KANK1: variants seen among roughly 807,000 people sequenced by gnomAD.
KANK1 encodes the protein KN motif and ankyrin repeat domain-containing protein 1.
KANK1 carries 109 observed loss-of-function variants against 106.2 expected under a neutral mutation model. The observed-to-expected ratio is 1.03, with a 90% CI of 0.88 to 1.20. KANK1 has a LOEUF of 1.20. KANK1 is among the 50% of genes most tolerant of loss of function. The probability of loss-of-function intolerance (pLI) is 0.00; values close to 1 mark genes in which losing one functional copy is unlikely to be tolerated. For synonymous variants in KANK1, 873 were observed against 652.2 expected, an observed-to-expected ratio of 1.34 and a Z score of -5.16; for missense variants, 2,399 against 1,710.7, an observed-to-expected ratio of 1.40 and a Z score of -7.10.
intron 1 of KANK1, among the ~76,000 whole-genome samples, chr9:520,346 T>C (rs1305487264): frequency 1.3e-5 from 2 of 151,364 alleles, no homozygotes; most frequent in East Asian, 3.9e-4. Flanking sequence ...CTCAAAAAAA[T>C]AAATAAAAAT....
chr9:710,246 G>A (rs967264998), intron 2 of KANK1, among the ~76,000 whole-genome samples: 12 of 152,112 alleles, frequency 7.9e-5, no homozygotes, highest in African/African-American at 2.9e-4. Flanking sequence ...TCATTACATT[G>A]TTTTTAAGCC....
intron 1 of KANK1, among the ~76,000 whole-genome samples, chr9:673,200 CTTTTTTTTTT>C (rs542647158): frequency 2.0e-5 from 2 of 97,856 alleles, no homozygotes; most frequent in African/African-American, 3.5e-5. Flanking sequence ...ACAGTGTCTT[CTTTTTTTTTT>C]TTTTTTTTTT....
chr9:572,418 A>G (rs112972543), intron 1 of KANK1, among the ~76,000 whole-genome samples: 8,843 of 151,990 alleles, frequency 0.058, 843 homozygotes, highest in African/African-American at 0.2. Flanking sequence ...TGGGCGTGGT[A>G]GTGGGTTCCT....
At chr9:628,803 G>T (rs146314943) in intron 1 of KANK1, among the ~76,000 whole-genome samples, 1 of 152,190 alleles carries the variant, frequency 6.6e-6, no homozygotes, top group African/African-American at 2.4e-5. Flanking sequence ...CTTGGGCCGG[G>T]CATGGTGGCT....
intron 10 of KANK1, among the ~76,000 whole-genome samples, chr9:742,967 G>C (rs553735883): frequency 2.0e-5 from 3 of 152,282 alleles, no homozygotes; most frequent in East Asian, 1.9e-4. Flanking sequence ...ACACCACTCT[G>C]CTCTCTTCTC....
At chr9:745,118 C>CATCT (rs1836847697) in intron 11 of KANK1, 55 bp from the exon 12 acceptor site, 1 of 1,602,048 alleles carries the variant, frequency 6.2e-7, no homozygotes, top group Non-Finnish European at 8.5e-7. Flanking sequence ...ACAGGGTACA[C>CATCT]ATCTGCCTGA....
At chr9:590,201 A>G (rs895896207) in intron 1 of KANK1, among the ~76,000 whole-genome samples, 4 of 152,138 alleles carry the variant, frequency 2.6e-5, no homozygotes, top group African/African-American at 7.2e-5. Context: ...TTTAGGGGGT[A>G]CATGGTTTTT....
At chr9:675,969 A>T (rs961160077) in intron 1 of KANK1, among the ~76,000 whole-genome samples, 1 of 152,188 alleles carries the variant, frequency 6.6e-6, no homozygotes, top group Non-Finnish European at 1.5e-5. Context: ...TGACATTGCC[A>T]TGGCATTTGT....
intron 1 of KANK1, among the ~76,000 whole-genome samples, chr9:627,165 C>T (rs1313599991): frequency 7.2e-5 from 11 of 152,126 alleles, no homozygotes; most frequent in Admixed American, 7.2e-4. Context: ...ACAGATTGTG[C>T]CCTAGATCCT....
At chr9:713,850 A>G (rs1425650379) in intron 3 of KANK1, among the ~76,000 whole-genome samples, 1 of 152,246 alleles carries the variant, frequency 6.6e-6, no homozygotes, top group African/African-American at 2.4e-5. Flanking sequence ...TATTACCAGT[A>G]TATTAGCAAT....
intron 3 of KANK1, among the ~76,000 whole-genome samples, chr9:474,395 T>C (rs1453761647): frequency 6.6e-6 from 1 of 152,230 alleles, no homozygotes; most frequent in Admixed American, 6.5e-5. Flanking sequence ...GACATATTGA[T>C]TAATTGCATA....
chr9:600,390 A>G (rs1444706242), intron 1 of KANK1, among the ~76,000 whole-genome samples: 1 of 151,876 alleles, frequency 6.6e-6, no homozygotes, highest in Non-Finnish European at 1.5e-5. Context: ...AGGCTGAATA[A>G]TATTCCATTG....
intron 1 of KANK1, among the ~76,000 whole-genome samples, chr9:668,168 T>G (rs1393725943): frequency 8.5e-5 from 13 of 152,342 alleles, no homozygotes; most frequent in Admixed American, 7.2e-4. Flanking sequence ...GAATGTTCCA[T>G]GTACTGATGA....
At chr9:480,050 T>G (rs761395931) in intron 3 of KANK1, among the ~76,000 whole-genome samples, 4 of 152,232 alleles carry the variant, frequency 2.6e-5, no homozygotes, top group Non-Finnish European at 5.9e-5. Context: ...TCAAAAACTT[T>G]AACGGAGTTC....
intron 2 of KANK1, among the ~76,000 whole-genome samples, chr9:703,499 C>T (rs1479501808): frequency 1.3e-5 from 2 of 152,078 alleles, no homozygotes; most frequent in Non-Finnish European, 2.9e-5. Flanking sequence ...GAGCAGTCTC[C>T]ACCACTGGAT....
intron 1 of KANK1, among the ~76,000 whole-genome samples, chr9:551,256 GT>G (rs1290375675): frequency 6.6e-6 from 1 of 151,606 alleles, no homozygotes; most frequent in Non-Finnish European, 1.5e-5. Context: ...ACATTTGCCT[GT>G]TTCCCTCTTT....
At chr9:558,236 G>A (rs1487465648) in intron 1 of KANK1, among the ~76,000 whole-genome samples, 1 of 152,184 alleles carries the variant, frequency 6.6e-6, no homozygotes, top group Admixed American at 6.5e-5. Context: ...GATATCCAGA[G>A]ATAGCAAACT....
chr9:663,688 G>C (rs552686034), intron 1 of KANK1, among the ~76,000 whole-genome samples: 2 of 152,282 alleles, frequency 1.3e-5, no homozygotes, highest in South Asian at 2.1e-4. Context: ...GGAAGTGTCA[G>C]TTATCTTTAA....
At chr9:629,986 G>A (rs900849105) in intron 1 of KANK1, among the ~76,000 whole-genome samples, 14 of 152,214 alleles carry the variant, frequency 9.2e-5, no homozygotes, top group African/African-American at 3.4e-4. Flanking sequence ...ACTGGCTCAC[G>A]CCTGTAATCC....
Sources: allele counts gnomAD v4.1 joint callset (sites outside exome capture counted in the v4.1 genomes callset), GRCh38; gene constraint gnomAD v4.1.1; transcripts MANE v1.5; gene names NCBI Gene and HGNC (gene_info 2026-07-23, HGNC 2026-07-21).